PDE1A: variants seen among roughly 807,000 people sequenced by gnomAD.
PDE1A encodes the protein phosphodiesterase 1A.
PDE1A carries 35 observed loss-of-function variants against 61.7 expected under a neutral mutation model. The observed-to-expected ratio is 0.57, with a 90% confidence interval of 0.43 to 0.75. The LOEUF is 0.75. Among genes scored for constraint, PDE1A ranks in the 30% least tolerant of loss-of-function variants. The pLI, the probability that PDE1A is intolerant of heterozygous loss-of-function variation, is 0.00. For synonymous variants in PDE1A, 232 were observed against 213.2 expected (o/e 1.09, Z -0.77); for missense variants, 597 against 630.6 (o/e 0.95, Z 0.57).
chr2:182,591,631 C>T, the PDE1A span, among the ~76,000 whole-genome samples: 44 of 152,230 alleles, frequency 2.9e-4, no homozygotes, highest in African/African-American at 8.4e-4. Flanking sequence ...TTTTCCACAA[C>T]GCCCTGGGTA....
At chr2:182,415,169 C>A (rs1357283268) in intron 1 of PDE1A, among the ~76,000 whole-genome samples, 1 of 151,964 alleles carries the variant, frequency 6.6e-6, no homozygotes, top group South Asian at 2.1e-4. Flanking sequence ...ATATTTTATT[C>A]CTAAAAGAGA....
chr2:182,641,516 A>T, the PDE1A span, among the ~76,000 whole-genome samples: 1 of 152,214 alleles, frequency 6.6e-6, no homozygotes, highest in Non-Finnish European at 1.5e-5. Context: ...AACTAAGAGC[A>T]AACCACTAAT....
At chr2:182,506,336 A>C (rs926582809) in intron 2 of PDE1A, among the ~76,000 whole-genome samples, 5 of 152,208 alleles carry the variant, frequency 3.3e-5, no homozygotes, top group African/African-American at 1.2e-4. Context: ...TTTTAAAATA[A>C]GACCAAATAA....
the PDE1A span, among the ~76,000 whole-genome samples, chr2:182,637,219 C>T: frequency 6.6e-6 from 1 of 152,114 alleles, no homozygotes; most frequent in African/African-American, 2.4e-5. Flanking sequence ...CCTAGACATC[C>T]TATAACTGCA....
intron 1 of PDE1A, among the ~76,000 whole-genome samples, chr2:182,417,453 T>A (rs72883471): frequency 1.3e-5 from 2 of 152,334 alleles, no homozygotes; most frequent in African/African-American, 2.4e-5. Context: ...TGGGATTTTT[T>A]AAAATTCCCC....
intron 2 of PDE1A, among the ~76,000 whole-genome samples, chr2:182,466,722 G>C (rs764769869): frequency 4.0e-4 from 61 of 152,110 alleles, no homozygotes; most frequent in Middle Eastern, 3.4e-3. Context: ...CCATTCTCAG[G>C]AGTGGGGGCT....
chr2:182,410,554 G>A (rs1702553594), intron 1 of PDE1A, among the ~76,000 whole-genome samples: 1 of 152,092 alleles, frequency 6.6e-6, no homozygotes, highest in South Asian at 2.1e-4. Context: ...AAGAATTGTA[G>A]TACAATTAAT....
At chr2:182,701,380 T>C in the PDE1A span, among the ~76,000 whole-genome samples, 2 of 123,408 alleles carry the variant, frequency 1.6e-5, no homozygotes, top group Non-Finnish European at 3.4e-5. Context: ...AACGTTAAGG[T>C]TTGCTTAACT....
chr2:182,560,534 G>A, the PDE1A span, among the ~76,000 whole-genome samples: 1 of 151,328 alleles, frequency 6.6e-6, no homozygotes, highest in East Asian at 1.9e-4. Flanking sequence ...ACGTGTGCAT[G>A]TGTCTTTATA....
At position 182,296,377 on chromosome 2, in the gene PDE1A, GAAGA is replaced by G. The variant is rs1694885817; in HGVS notation, c.54-31967_54-31964del. On this transcript the variant is annotated intron_variant, in intron 1 of 13. Transcript: ENST00000351439. The stretch of plus-strand genomic sequence containing the variant: ...GCCTACTTATCAACTAGGGTGAACT[GAAGA>G]AAGTACTTTTGGTTTTGCAAATATT... 2.0e-5 allele frequency among the ~76,000 whole-genome samples: 3 copies of G among 152,154 alleles called. No homozygotes were observed. The South Asian group carries it at 6.2e-4, about 32-fold the overall frequency.
chr2:182,332,479 T>A (rs1017324017), intron 1 of PDE1A, among the ~76,000 whole-genome samples: 5 of 152,206 alleles, frequency 3.3e-5, no homozygotes, highest in Non-Finnish European at 5.9e-5. Context: ...TTTTTCCTCA[T>A]CTTCATGGAT....
intron 2 of PDE1A, among the ~76,000 whole-genome samples, chr2:182,515,954 CTGTGTGTGTGTGTGTGTGTGTGTG>C (rs201729102): frequency 7.7e-6 from 1 of 130,432 alleles, no homozygotes; most frequent in African/African-American, 2.8e-5. Context: ...GTGTGTGTTT[CTGTGTGTGTGTGTGTGTGTGTGTG>C]TGTGTGTGTG....
the PDE1A span, among the ~76,000 whole-genome samples, chr2:182,696,347 G>A: frequency 6.6e-6 from 1 of 152,126 alleles, no homozygotes; most frequent in Non-Finnish European, 1.5e-5. Context: ...ATTACTAAGG[G>A]AGAGAAGGCA....
At chr2:182,423,118 C>A (rs1383960438) in intron 1 of PDE1A, among the ~76,000 whole-genome samples, 1 of 152,052 alleles carries the variant, frequency 6.6e-6, no homozygotes, top group Non-Finnish European at 1.5e-5. Context: ...CACATGATAG[C>A]CATAAAGGAG....
chr2:182,414,382 GGAAAACCCA>G (rs1702796251), intron 1 of PDE1A, among the ~76,000 whole-genome samples: 1 of 152,066 alleles, frequency 6.6e-6, no homozygotes, highest in Non-Finnish European at 1.5e-5. Flanking sequence ...ATTCTTTAAG[GGAAAACCCA>G]GAAACAACAT....
intron 2 of PDE1A, among the ~76,000 whole-genome samples, chr2:182,461,039 T>C (rs1319242600): frequency 1.3e-5 from 2 of 152,166 alleles, no homozygotes; most frequent in African/African-American, 2.4e-5. Context: ...AAGTTTTTAA[T>C]ATACTAAAGT....
chr2:182,220,232 G>C (rs57801137), intron 7 of PDE1A, among the ~76,000 whole-genome samples: 42,006 of 151,878 alleles, frequency 0.28, 6,473 homozygotes, highest in Non-Finnish European at 0.34. Context: ...CAAAGCACAT[G>C]TATAATTCTC....
the PDE1A span, among the ~76,000 whole-genome samples, chr2:182,658,280 G>C: frequency 6.6e-6 from 1 of 152,098 alleles, no homozygotes; most frequent in African/African-American, 2.4e-5. Context: ...CTAGATTCTG[G>C]TGATCACTGG....
rs113941936 is a variant in PDE1A, at chr2:182,447,310, C to A, written c.101+74966G>T. ...CCAAGCAGATGAAGCTGGGACATGG[C>A]CACATAAGACCGTATCAGAATCTAC... On this transcript the variant is annotated intron_variant, in intron 2 of 14. Coordinates refer to the PDE1A transcript ENST00000410103. Among the ~76,000 whole-genome samples the A allele has an allele frequency of 9.8e-3, 1,497 of 152,042 alleles. 19 individuals are homozygous for A. Among genetic ancestry groups the A allele is most frequent in the African/African-American group, 0.034 (1,400 of 41,498 alleles).
Sources: allele counts gnomAD v4.1 joint callset (sites outside exome capture counted in the v4.1 genomes callset), GRCh38; gene constraint gnomAD v4.1.1; transcripts MANE v1.5; gene names NCBI Gene and HGNC (gene_info 2026-07-23, HGNC 2026-07-21).